NKIRAS1: variants seen among roughly 807,000 people sequenced by gnomAD.
The protein encoded by NKIRAS1 is NFKB inhibitor interacting Ras like 1.
NKIRAS1 carries 16 observed loss-of-function variants against 19.8 expected under a neutral mutation model. That is an observed-to-expected ratio of 0.81 (90% CI 0.55 to 1.23). The LOEUF (loss-of-function observed/expected upper bound fraction) is 1.23, where lower values mean the gene tolerates loss of function less well. NKIRAS1 is among the 50% of genes most tolerant of loss of function. NKIRAS1 has a pLI of 0.00. For synonymous variants in NKIRAS1, 88 were observed against 79.0 expected (o/e 1.11, Z -0.61); for missense variants, 184 against 220.0 (o/e 0.84, Z 1.04).
At chr3:23,920,953 A>G, upstream of NKIRAS1, 1 of 164,550 alleles carries the variant, frequency 6.1e-6, no homozygotes, top group Non-Finnish European at 1.3e-5. Flanking sequence ...TAGAAATAAT[A>G]TAATTTGAGA....
In NKIRAS1 at chr3:23,891,735, A is replaced by G. The variant is rs1701486685; in HGVS notation, c.*1360T>C. ...TACACATACATTCATTACAGAATTT[A>G]AAAAGAATTGGTAACTGTTTGTACT... On this transcript the variant is annotated 3_prime_UTR_variant, in exon 5 of 5. Coordinates refer to ENST00000425478, the MANE Select transcript of NKIRAS1 (RefSeq NM_020345.4). 6.6e-6 allele frequency: 1 copy of G among 152,238 alleles called. No homozygotes were observed. The highest frequency in any genetic ancestry group is 1.5e-5 in the Non-Finnish European group (1 of 68,042). 9.4% of individuals were successfully genotyped at this position (152,238 alleles called of 1,614,324 possible). A position where few individuals can be genotyped will look rare whatever the true frequency, so the allele number is the denominator to read the frequency against.
At chr3:23,910,783 G>T (rs1323383463) in intron 3 of NKIRAS1, 28 bp downstream of exon 3, 1 of 1,552,086 alleles carries the variant, frequency 6.4e-7, no homozygotes, top group East Asian at 2.2e-5. Flanking sequence ...CCAGAACCTA[G>T]AGACAAACTA....
At chr3:23,935,906 C>T (rs1705383299) in intron 1 of NKIRAS1, among the ~76,000 whole-genome samples, 1 of 151,846 alleles carries the variant, frequency 6.6e-6, no homozygotes, top group Non-Finnish European at 1.5e-5. Context: ...ACAGCAAAAC[C>T]TCGTCTCTAC....
rs1176665090 is a variant in NKIRAS1, at chr3:23,891,331, T to C, written c.*1764A>G. ...CCTAATAAACACTGCTGTGTTCATT[T>C]ACTTTTCTTTTGCCTTTTGGTTGCC... On this transcript the variant is annotated 3_prime_UTR_variant, in exon 5 of 5. Transcript: ENST00000425478. The C allele has an allele frequency of 6.6e-6, 1 of 152,232 alleles. No individual in the cohort carries two copies. Among genetic ancestry groups the C allele is most frequent in the Non-Finnish European group, 1.5e-5 (1 of 68,032 alleles). 9.4% of individuals were successfully genotyped at this position (152,232 alleles called of 1,614,324 possible). A position where few individuals can be genotyped will look rare whatever the true frequency, so the allele number is the denominator to read the frequency against.
upstream of NKIRAS1, among the ~76,000 whole-genome samples, chr3:23,921,211 G>A (rs540031381): frequency 2.6e-5 from 4 of 152,304 alleles, no homozygotes; most frequent in East Asian, 7.7e-4. Context: ...GTCTCTACAA[G>A]AAAACCTTGT....
intron 1 of NKIRAS1, among the ~76,000 whole-genome samples, chr3:23,944,937 G>C (rs1705592097): frequency 6.6e-6 from 1 of 152,046 alleles, no homozygotes; most frequent in East Asian, 1.9e-4. Flanking sequence ...CCACCGCTTT[G>C]ACCTAAGAGC....
At chr3:23,946,370 C>G in exon 1 of NKIRAS1, 6 of 887,182 alleles carry the variant, frequency 6.8e-6, no homozygotes, top group Non-Finnish European at 6.8e-6. Flanking sequence ...TGCTGCAGGC[C>G]GGAGGAGGCG....
chr3:23,943,853 C>A (rs953604249), intron 1 of NKIRAS1, among the ~76,000 whole-genome samples: 1 of 152,246 alleles, frequency 6.6e-6, no homozygotes, highest in Non-Finnish European at 1.5e-5. Context: ...GCAGGACCCA[C>A]ATCTGTGCAG....
At chr3:23,917,855 C>T (rs756448980), upstream of NKIRAS1, 2 of 1,607,208 alleles carry the variant, frequency 1.2e-6, no homozygotes, top group African/African-American at 1.3e-5. Context: ...CACAGGTAAG[C>T]CAAGATGGGT....
chr3:23,911,249 T>C (rs1175995941), intron 2 of NKIRAS1, 80 bp downstream of exon 2: 4 of 200,586 alleles, frequency 2.0e-5, no homozygotes, highest in Non-Finnish European at 4.1e-5. Flanking sequence ...AGGTCAAGAG[T>C]TCGGCACCAG....
chr3:23,934,730 A>G (rs1248487778), intron 1 of NKIRAS1, among the ~76,000 whole-genome samples: 1 of 152,186 alleles, frequency 6.6e-6, no homozygotes, highest in Non-Finnish European at 1.5e-5. Flanking sequence ...AACACTAACC[A>G]CAATGGTGAT....
chr3:23,924,003 G>A (rs545185385), intron 1 of NKIRAS1: 3 of 152,318 alleles, frequency 2.0e-5, no homozygotes, highest in East Asian at 3.9e-4. Context: ...CATGCATTTA[G>A]GTTGGGGTCA....
At chr3:23,940,207 T>C (rs62253361) in intron 1 of NKIRAS1, among the ~76,000 whole-genome samples, 25,676 of 141,306 alleles carry the variant, frequency 0.18, 2,375 homozygotes, top group Non-Finnish European at 0.21. Flanking sequence ...ATTACTGGGG[T>C]GTGGTGGTAC....
At chr3:23,896,394 C>T (rs896417121) in intron 4 of NKIRAS1, among the ~76,000 whole-genome samples, 1 of 151,980 alleles carries the variant, frequency 6.6e-6, no homozygotes, top group African/African-American at 2.4e-5. Flanking sequence ...GTGGGTGGAT[C>T]ACCTGAGGTC....
intron 1 of NKIRAS1, among the ~76,000 whole-genome samples, chr3:23,941,127 C>A (rs539512014): frequency 6.6e-6 from 1 of 152,174 alleles, no homozygotes; most frequent in Non-Finnish European, 1.5e-5. Flanking sequence ...CATGTTGTTT[C>A]GGTATTAGGA....
chr3:23,919,484 C>G (rs1307333347), upstream of NKIRAS1: 1 of 1,576,514 alleles, frequency 6.3e-7, no homozygotes, highest in Non-Finnish European at 8.6e-7. Context: ...TACTCTCCAG[C>G]TCCACCGTTA....
chr3:23,904,452 C>T (rs1702825987), intron 3 of NKIRAS1, among the ~76,000 whole-genome samples: 1 of 152,148 alleles, frequency 6.6e-6, no homozygotes, highest in Non-Finnish European at 1.5e-5. Flanking sequence ...AGAGCACTCC[C>T]TTCAACCTCA....
chr3:23,915,618 C>T lies in NKIRAS1; in HGVS notation c.-140+1166G>A, dbSNP rs111537498. Reference sequence around the variant, plus strand: ...AGTCATCCTTCTGTTCAAAATCTGCCAATGAAATCCAAAGTCCATGTGAGA... The same window carrying T: ...AGTCATCCTTCTGTTCAAAATCTGCTAATGAAATCCAAAGTCCATGTGAGA... On this transcript the variant is annotated intron_variant, in intron 1 of 4. Transcript: ENST00000425478. Among the ~76,000 whole-genome samples the T allele has an allele frequency of 2.4e-3, 360 of 152,258 alleles. 1 individual carries two copies. Among genetic ancestry groups the T allele is most frequent in the African/African-American group, 7.4e-3 (308 of 41,532 alleles).
chr3:23,934,608 ACTTCTGGG>A (rs1406932900), intron 1 of NKIRAS1, among the ~76,000 whole-genome samples: 1 of 152,144 alleles, frequency 6.6e-6, no homozygotes, highest in Non-Finnish European at 1.5e-5. Context: ...CAGGGGTGGC[ACTTCTGGG>A]CATGCTGGCA....
Sources: gnomAD v4.1 joint callset for allele counts (sites outside exome capture counted in the v4.1 genomes callset) on GRCh38, gnomAD v4.1.1 for gene constraint, MANE v1.5 for transcripts, NCBI Gene and HGNC (gene_info 2026-07-23, HGNC 2026-07-21) for gene names.